The following GABRG3 variants were observed in gnomAD, a reference collection of about 807,000 sequenced individuals.
GABRG3 encodes the protein gamma-aminobutyric acid type A receptor subunit gamma3.
GABRG3 carries 25 observed loss-of-function variants against 48.8 expected under a neutral mutation model. The ratio of observed to expected loss-of-function variants is 0.51; its 90% confidence interval spans 0.37 to 0.72. GABRG3 has a LOEUF of 0.72. GABRG3 is among the 30% of genes least tolerant of loss of function. The probability of loss-of-function intolerance (pLI) is 0.00; values close to 1 mark genes in which losing one functional copy is unlikely to be tolerated. For synonymous variants in GABRG3, 227 were observed against 217.6 expected, an observed-to-expected ratio of 1.04 and a Z score of -0.38; for missense variants, 394 against 577.9, an observed-to-expected ratio of 0.68 and a Z score of 3.26.
chr15:27,199,183 T>G lies in GABRG3; in HGVS notation c.271-127626T>G, dbSNP rs189294304. Among the ~76,000 whole-genome samples, 10 of 152,312 alleles carry G rather than the reference T, an allele frequency of 6.6e-5. No homozygotes were observed. In the East Asian group the frequency reaches 1.9e-3, roughly 29 times the overall value. On this transcript the variant is annotated intron_variant, in intron 3 of 9. Transcript: ENST00000615808. ...AAGGAAAAATAGAGCCAAAGGTTAC[T>G]GGAACAAACGAACCACGTATTGACA...
intron 5 of GABRG3, among the ~76,000 whole-genome samples, chr15:27,396,531 C>T (rs1887301949): frequency 6.6e-6 from 1 of 152,174 alleles, no homozygotes; most frequent in African/African-American, 2.4e-5. Flanking sequence ...CAACTGAGCT[C>T]TTACACATTT....
chr15:27,157,730 A>G (rs79287477), intron 3 of GABRG3: 7,300 of 152,298 alleles, frequency 0.048, 271 homozygotes, highest in African/African-American at 0.098. Flanking sequence ...TGCAATATCA[A>G]CGCATAAGTG....
chr15:27,206,881 T>A (rs1888870947), intron 3 of GABRG3, among the ~76,000 whole-genome samples: 1 of 152,184 alleles, frequency 6.6e-6, no homozygotes, highest in African/African-American at 2.4e-5. Context: ...GGTGCTCTTT[T>A]TTTTGTTTTC....
At chr15:27,290,647 A>G (rs1891766030) in intron 3 of GABRG3, among the ~76,000 whole-genome samples, 1 of 152,178 alleles carries the variant, frequency 6.6e-6, no homozygotes. Flanking sequence ...CCTGACTAGT[A>G]CCCCTCAAAA....
At chr15:27,079,492 G>C (rs979280026) in intron 3 of GABRG3, among the ~76,000 whole-genome samples, 2 of 152,076 alleles carry the variant, frequency 1.3e-5, no homozygotes, top group African/African-American at 4.8e-5. Context: ...GCCGTGTGGA[G>C]TGTGTGTGTT....
intron 5 of GABRG3, among the ~76,000 whole-genome samples, chr15:27,438,701 CAGA>C (rs1471163902): frequency 1.3e-5 from 2 of 152,210 alleles, no homozygotes; most frequent in Non-Finnish European, 2.9e-5. Flanking sequence ...TGCACACTTC[CAGA>C]AGATGAATCA....
At chr15:27,394,798 T>A (rs1887250986) in intron 5 of GABRG3, among the ~76,000 whole-genome samples, 1 of 152,190 alleles carries the variant, frequency 6.6e-6, no homozygotes, top group Admixed American at 6.5e-5. Flanking sequence ...CTTCCATTAG[T>A]TTTCATGACA....
At chr15:27,109,721 A>T (rs555658970) in intron 3 of GABRG3, among the ~76,000 whole-genome samples, 1 of 152,148 alleles carries the variant, frequency 6.6e-6, no homozygotes, top group African/African-American at 2.4e-5. Context: ...GTCTCTACTA[A>T]AAGTACAACA....
At chr15:27,229,794 C>A (rs1037958157) in intron 3 of GABRG3, among the ~76,000 whole-genome samples, 2 of 152,082 alleles carry the variant, frequency 1.3e-5, no homozygotes, top group Non-Finnish European at 2.9e-5. Flanking sequence ...TGTTTTTGTA[C>A]CAGTACCATG....
intron 3 of GABRG3, among the ~76,000 whole-genome samples, chr15:27,170,193 A>G (rs1887519153): frequency 6.6e-6 from 1 of 152,198 alleles, no homozygotes; most frequent in Non-Finnish European, 1.5e-5. Flanking sequence ...CATTTCTTTA[A>G]AAGATGTTTG....
At chr15:27,382,066 G>A (rs915565224) in intron 5 of GABRG3, among the ~76,000 whole-genome samples, 9 of 152,084 alleles carry the variant, frequency 5.9e-5, no homozygotes, top group African/African-American at 1.7e-4. Flanking sequence ...TGAAATTAGA[G>A]TTGCATTGAT....
At chr15:27,383,991 G>A (rs1895852685) in intron 5 of GABRG3, among the ~76,000 whole-genome samples, 1 of 152,116 alleles carries the variant, frequency 6.6e-6, no homozygotes, top group Non-Finnish European at 1.5e-5. Flanking sequence ...GATTTCTTTA[G>A]AAACAAGCTA....
intron 3 of GABRG3, among the ~76,000 whole-genome samples, chr15:27,115,702 A>G (rs1397569280): frequency 6.6e-6 from 1 of 152,150 alleles, no homozygotes; most frequent in Non-Finnish European, 1.5e-5. Context: ...TGAACTTCAT[A>G]TTATCTCAAT....
At chr15:27,393,352 A>G (rs953295902) in intron 5 of GABRG3, among the ~76,000 whole-genome samples, 2 of 149,638 alleles carry the variant, frequency 1.3e-5, no homozygotes, top group East Asian at 2.0e-4. Flanking sequence ...TCCAAAAAAA[A>G]AAAAAAAAAA....
intron 5 of GABRG3, among the ~76,000 whole-genome samples, chr15:27,433,663 T>G (rs1007678142): frequency 6.6e-6 from 1 of 151,844 alleles, no homozygotes; most frequent in Non-Finnish European, 1.5e-5. Context: ...CCTCCATGAG[T>G]TTAGGGCTAG....
chr15:27,214,312 C>T (rs1889169217), intron 3 of GABRG3, among the ~76,000 whole-genome samples: 1 of 152,186 alleles, frequency 6.6e-6, no homozygotes, highest in African/African-American at 2.4e-5. Context: ...AGGAGATGGC[C>T]ATGAGATGCC....
At chr15:27,204,542 A>G (rs541249740) in intron 3 of GABRG3, among the ~76,000 whole-genome samples, 2 of 152,236 alleles carry the variant, frequency 1.3e-5, no homozygotes, top group African/African-American at 4.8e-5. Context: ...TTCCAAATGA[A>G]TTTTAGAATA....
chr15:27,289,094 A>AT (rs147628618), intron 3 of GABRG3, among the ~76,000 whole-genome samples: 2,458 of 152,044 alleles, frequency 0.016, 80 homozygotes, highest in African/African-American at 0.057. Flanking sequence ...TGTGTTTGAG[A>AT]TTTTATCTGT....
Position 27,019,291 on chromosome 15 carries a change from C to G in GABRG3, c.203-7463C>G, listed in dbSNP as rs1231366508. ...TTCACCATGTTAGCCAGGATGGTCT[C>G]AATCTCCTGACCTCGTGATCCCCCC... On this transcript the variant is annotated intron_variant, in intron 2 of 9. Coordinates refer to ENST00000615808, the MANE Select transcript of GABRG3 (RefSeq NM_033223.5). Among the ~76,000 whole-genome samples the G allele has an allele frequency of 4.6e-5, 7 of 151,904 alleles. No homozygotes were observed. The East Asian group carries it at 1.2e-3, about 25-fold the overall frequency.
Sources: gnomAD v4.1 joint callset for allele counts (sites outside exome capture counted in the v4.1 genomes callset) on GRCh38, gnomAD v4.1.1 for gene constraint, MANE v1.5 for transcripts, NCBI Gene and HGNC (gene_info 2026-07-23, HGNC 2026-07-21) for gene names.